The following C4orf51 variants were observed in gnomAD, a reference collection of about 807,000 sequenced individuals.
The protein encoded by C4orf51 is uncharacterized protein C4orf51.
In C4orf51, 25 loss-of-function variants were observed where a neutral mutation model predicts 25.2. The ratio of observed to expected loss-of-function variants is 0.99; its 90% confidence interval spans 0.72 to 1.39. The LOEUF (loss-of-function observed/expected upper bound fraction) is 1.39, where lower values mean the gene tolerates loss of function less well. Among genes scored for constraint, C4orf51 ranks in the 40% most tolerant of loss-of-function variants. The probability of loss-of-function intolerance (pLI) is 0.00; values close to 1 mark genes in which losing one functional copy is unlikely to be tolerated. For synonymous variants in C4orf51, 100 were observed against 84.5 expected (o/e 1.18, Z -1.01); for missense variants, 252 against 239.6 (o/e 1.05, Z -0.34).
At chr4:145,781,709 C>T in the C4orf51 span, among the ~76,000 whole-genome samples, 7 of 152,180 alleles carry the variant, frequency 4.6e-5, no homozygotes, top group African/African-American at 2.4e-5. Context: ...CTTGAGTCCA[C>T]GCAGTGGGCA....
intron 2 of C4orf51, among the ~76,000 whole-genome samples, chr4:145,699,591 G>A (rs1468956907): frequency 2.0e-5 from 3 of 152,128 alleles, no homozygotes; most frequent in Non-Finnish European, 4.4e-5. Flanking sequence ...CAAAACTCTG[G>A]CGCCGGTCAC....
At chr4:145,722,696 C>T (rs536124683) in intron 2 of C4orf51, among the ~76,000 whole-genome samples, 2 of 152,130 alleles carry the variant, frequency 1.3e-5, no homozygotes, top group Non-Finnish European at 2.9e-5. Context: ...AGTCCATGGC[C>T]TGTTAGGAAG....
intron 1 of C4orf51, among the ~76,000 whole-genome samples, chr4:145,746,260 CTTGTGGGGTAT>C (rs1733367933): frequency 6.6e-6 from 1 of 152,060 alleles, no homozygotes; most frequent in Non-Finnish European, 1.5e-5. Context: ...GTTGCCTGTG[CTTGTGGGGTAT>C]AACTCAAGAA....
chr4:145,789,861 G>C, the C4orf51 span, among the ~76,000 whole-genome samples: 3 of 152,212 alleles, frequency 2.0e-5, no homozygotes, highest in Admixed American at 6.5e-5. Flanking sequence ...CAACCTAAAT[G>C]CTTCCCCCAG....
chr4:145,774,601 T>C, downstream of C4orf51: 1 of 1,613,716 alleles, frequency 6.2e-7, no homozygotes, highest in East Asian at 2.2e-5. Flanking sequence ...CCACTGCTCC[T>C]TGTCCACGTG....
Position 145,726,903 on chromosome 4 carries a change from G to T in C4orf51, c.308-8G>T. 2 of 1,609,566 alleles carry T rather than the reference G, an allele frequency of 1.2e-6. No individual in the cohort carries two copies. The highest frequency in any genetic ancestry group is 1.7e-6 in the Non-Finnish European group (2 of 1,176,370). On this transcript the variant is annotated splice_polypyrimidine_tract_variant and splice_region_variant and intron_variant, in intron 2 of 5. Transcript: ENST00000438731. ...TAATCCTGATTTTCCCTCTTCATGT[G>T]CATGCAGGACTATTCCCTGATATAA...
chr4:145,765,433 G>T lies in C4orf51; in HGVS notation n.167-5555G>T. 1 of 1,283,540 alleles carries T rather than the reference G, an allele frequency of 7.8e-7. No homozygotes were observed. The highest frequency in any genetic ancestry group is 1.1e-6 in the Non-Finnish European group (1 of 940,916). The allele number at this position is 1,283,540 out of a possible 1,614,324, so 79.5% of individuals were successfully genotyped here. ...ACCTTTAGGTGAGGCCCAGCATACTGCATCCTGGGCCTATTATCAGTTTTT... is the reference window on the plus strand; with the variant it reads ...ACCTTTAGGTGAGGCCCAGCATACTTCATCCTGGGCCTATTATCAGTTTTT... On this transcript the variant is annotated intron_variant and non_coding_transcript_variant, in intron 1 of 1. Coordinates refer to the C4orf51 transcript ENST00000510096. The surrounding 1 kb of genome is among the most constrained non-coding windows in gnomAD (Gnocchi z 4.7).
chr4:145,705,390 C>T (rs553748846), intron 2 of C4orf51, among the ~76,000 whole-genome samples: 1 of 152,126 alleles, frequency 6.6e-6, no homozygotes, highest in South Asian at 2.1e-4. Flanking sequence ...CATTCCTGGT[C>T]TGTATGTGTG....
intron 3 of C4orf51, among the ~76,000 whole-genome samples, chr4:145,727,792 G>T (rs865883052): frequency 2.0e-5 from 3 of 149,142 alleles, no homozygotes; most frequent in Middle Eastern, 6.8e-3. Flanking sequence ...TGAGGCAGGA[G>T]AGTTGCTTGA....
the C4orf51 span, among the ~76,000 whole-genome samples, chr4:145,783,237 G>A: frequency 6.6e-6 from 1 of 152,172 alleles, no homozygotes; most frequent in Non-Finnish European, 1.5e-5. Context: ...GAGGTGCTTA[G>A]TATATATTTG....
At position 145,762,431 on chromosome 4, in the gene C4orf51, T is replaced by C. The variant is rs1176405767; in HGVS notation, n.167-8557T>C. On this transcript the variant is annotated intron_variant and non_coding_transcript_variant, in intron 1 of 1. Coordinates refer to the C4orf51 transcript ENST00000510096. This position sits in a 1 kb window ranked among gnomAD's most constrained non-coding sequence, Gnocchi z 4.9. The stretch of plus-strand genomic sequence containing the variant: ...GATAATAATCCAACTGGATTGGAAA[T>C]TCTCAGAGGGCAGGACCATATCTTA... Among the ~76,000 whole-genome samples, 1 of 152,188 alleles carries C rather than the reference T, an allele frequency of 6.6e-6. No individual in the cohort carries two copies. Among genetic ancestry groups the C allele is most frequent in the South Asian group, 2.1e-4 (1 of 4,828 alleles).
At chr4:145,747,416 G>A (rs1433485170) in intron 1 of C4orf51, among the ~76,000 whole-genome samples, 1 of 150,782 alleles carries the variant, frequency 6.6e-6, no homozygotes, top group Non-Finnish European at 1.5e-5. Context: ...ATGAAGTGGT[G>A]TTGAATTTTA....
At position 145,761,037 on chromosome 4, in the gene C4orf51, C is replaced by T. The variant is rs1490514672; in HGVS notation, n.167-9951C>T. 5.4e-6 allele frequency: 7 copies of T among 1,284,862 alleles called. No individual in the cohort carries two copies. Among genetic ancestry groups the T allele is most frequent in the Admixed American group, 2.3e-5 (1 of 43,272 alleles). The allele number at this position is 1,284,862 out of a possible 1,614,324, so 79.6% of individuals were successfully genotyped here. On this transcript the variant is annotated intron_variant and non_coding_transcript_variant, in intron 1 of 1. Coordinates refer to the C4orf51 transcript ENST00000510096. The surrounding 1 kb of genome is among the most constrained non-coding windows in gnomAD (Gnocchi z 6.8). ...CTGAGCTGCTGCCGTGGGCTGCCGACAGGGCCACGGTCTGCAGAGCCTGGG... is the reference window on the plus strand; with the variant it reads ...CTGAGCTGCTGCCGTGGGCTGCCGATAGGGCCACGGTCTGCAGAGCCTGGG...
At chr4:145,733,312 T>C (rs1004209619), downstream of C4orf51, among the ~76,000 whole-genome samples, 8 of 151,970 alleles carry the variant, frequency 5.3e-5, no homozygotes, top group African/African-American at 1.9e-4. Flanking sequence ...ACGACCCTCC[T>C]CCTGCTGATT....
intron 1 of C4orf51, among the ~76,000 whole-genome samples, chr4:145,746,313 T>G (rs535326313): frequency 1.3e-5 from 2 of 152,344 alleles, no homozygotes; most frequent in East Asian, 3.9e-4. Flanking sequence ...TTGGAGAGTT[T>G]TCCCAATGTT....
intron 2 of C4orf51, among the ~76,000 whole-genome samples, chr4:145,711,367 C>T (rs1440436549): frequency 6.6e-6 from 1 of 152,162 alleles, no homozygotes; most frequent in East Asian, 1.9e-4. Flanking sequence ...TAACAGCTCG[C>T]CTAACAATGG....
At chr4:145,722,753 A>C (rs1177687263) in intron 2 of C4orf51, among the ~76,000 whole-genome samples, 1 of 152,158 alleles carries the variant, frequency 6.6e-6, no homozygotes, top group African/African-American at 2.4e-5. Context: ...GCAATGCTTC[A>C]TCTGCATTTA....
At chr4:145,774,775 T>C (rs1347166357), downstream of C4orf51, 2 of 1,291,482 alleles carry the variant, frequency 1.5e-6, no homozygotes, top group Non-Finnish European at 2.1e-6. Context: ...AAAACTGGAA[T>C]TTGAAACACA....
chr4:145,754,102 C>T (rs928479247), intron 1 of C4orf51: 11 of 152,182 alleles, frequency 7.2e-5, no homozygotes, highest in African/African-American at 2.4e-4. Context: ...CAACATTGAC[C>T]TGGAGGCTAA....
Sources: gnomAD v4.1 joint callset for allele counts (sites outside exome capture counted in the v4.1 genomes callset) on GRCh38, gnomAD v4.1.1 for gene constraint, Gnocchi (gnomAD v3.1) non-coding constraint, MANE v1.5 for transcripts, NCBI Gene and HGNC (gene_info 2026-07-23, HGNC 2026-07-21) for gene names.